The following BTBD10 variants were observed in gnomAD, a reference collection of about 807,000 sequenced individuals.
BTBD10 encodes BTB/POZ domain-containing protein 10.
A neutral mutation model predicts 53.2 loss-of-function variants in BTBD10; 21 were observed. The ratio of observed to expected loss-of-function variants is 0.39; its 90% CI spans 0.28 to 0.57. BTBD10 has a LOEUF of 0.57. Ranked by LOEUF, BTBD10 falls within the 20% of genes least tolerant of loss-of-function variation. The probability of loss-of-function intolerance (pLI) is 0.53; values close to 1 mark genes in which losing one functional copy is unlikely to be tolerated. For synonymous variants in BTBD10, 149 were observed against 192.7 expected (o/e 0.77, Z 1.88); for missense variants, 360 against 594.7 (o/e 0.61, Z 4.10).
intron 5 of BTBD10, among the ~76,000 whole-genome samples, chr11:13,416,742 C>G (rs887510357): frequency 2.0e-5 from 3 of 151,968 alleles, no homozygotes; most frequent in African/African-American, 7.3e-5. Context: ...TTTGGGAGGC[C>G]GAGGCAGGAG....
chr11:13,412,639 T>C (rs1221421021), intron 6 of BTBD10, among the ~76,000 whole-genome samples: 5 of 152,222 alleles, frequency 3.3e-5, no homozygotes, highest in Non-Finnish European at 5.9e-5. Context: ...TGTAGGATGA[T>C]ATCCTGGGCA....
At chr11:13,400,247 C>T (rs1247653377) in intron 8 of BTBD10, among the ~76,000 whole-genome samples, 8 of 152,238 alleles carry the variant, frequency 5.3e-5, no homozygotes, top group East Asian at 1.9e-4. Flanking sequence ...TGAGCAATGG[C>T]GGGTGCCCCT....
rs1321448599 is a variant in BTBD10 at position 13,389,149 on chromosome 11, A to C, written c.1118-8T>G. ...CTTTGTAGGTAGGATAACCTGAAAGAAAGAAAGATTTTAAAAACTGAGGAG... is the reference window on the plus strand; with the variant it reads ...CTTTGTAGGTAGGATAACCTGAAAGCAAGAAAGATTTTAAAAACTGAGGAG... On this transcript the variant is annotated splice_polypyrimidine_tract_variant and splice_region_variant and intron_variant, in intron 8 of 8. Transcript: ENST00000278174. 5 of 1,598,546 alleles carry C rather than the reference A, an allele frequency of 3.1e-6. No homozygotes were observed. The Admixed American group carries it at 7.0e-5, about 22-fold the overall frequency.
At chr11:13,453,716 C>A (rs534104282) in intron 1 of BTBD10, among the ~76,000 whole-genome samples, 84 of 152,270 alleles carry the variant, frequency 5.5e-4, no homozygotes, top group African/African-American at 2.0e-3. Context: ...TCCCCACAGC[C>A]TAGCACAATT....
chr11:13,405,770 C>T lies in BTBD10; in HGVS notation c.895G>A (p.Ala299Thr). 8.7e-6 allele frequency: 14 copies of T among 1,613,804 alleles called. No homozygotes were observed. The highest frequency in any genetic ancestry group is 1.2e-5 in the Non-Finnish European group (14 of 1,179,766). The part of the protein sequence containing the change: ...LEEMILPLMV[A>T]SAQSGERECH... Reference sequence around the variant, plus strand: ...TCCCGTTCCCCACTCTGGGCACTAGCTACCATGAGAGGGAGGATCATTTCT... The same window carrying T: ...TCCCGTTCCCCACTCTGGGCACTAGTTACCATGAGAGGGAGGATCATTTCT... Residue 299 changes from alanine (A) to threonine (T), a missense_variant, in exon 7 of 9, where the codon GCT becomes ACT. Ala to Thr is a moderately conservative substitution (Grantham distance 58, BLOSUM62 0). Transcript: ENST00000278174.
At chr11:13,433,658 T>C (rs1398143114) in intron 2 of BTBD10, among the ~76,000 whole-genome samples, 1 of 152,172 alleles carries the variant, frequency 6.6e-6, no homozygotes, top group Non-Finnish European at 1.5e-5. Flanking sequence ...GTAAATAAAG[T>C]ATTATTGGAA....
At chr11:13,433,139 G>A (rs865859602) in intron 2 of BTBD10, among the ~76,000 whole-genome samples, 1 of 152,194 alleles carries the variant, frequency 6.6e-6, no homozygotes, top group African/African-American at 2.4e-5. Flanking sequence ...TTAGGCCTCA[G>A]AAAACAGAAT....
At chr11:13,426,614 C>T (rs959033643) in intron 2 of BTBD10, among the ~76,000 whole-genome samples, 1 of 152,072 alleles carries the variant, frequency 6.6e-6, no homozygotes, top group African/African-American at 2.4e-5. Context: ...AAGGTTTTTA[C>T]ACCACACAAG....
intron 2 of BTBD10, among the ~76,000 whole-genome samples, chr11:13,436,232 ATTAAGGCTTAAACCTT>A (rs911499946): frequency 3.3e-5 from 5 of 152,166 alleles, no homozygotes; most frequent in African/African-American, 1.2e-4. Context: ...TTTCCTTCAC[ATTAAGGCTTAAACCTT>A]TTTACCTAAC....
intron 2 of BTBD10, among the ~76,000 whole-genome samples, chr11:13,443,515 T>C (rs1309369790): frequency 1.3e-5 from 2 of 152,152 alleles, no homozygotes; most frequent in Non-Finnish European, 1.5e-5. Flanking sequence ...GGATGAATAC[T>C]ATATAATTCA....
chr11:13,444,408 TTCAGA>T (rs1950717983), intron 2 of BTBD10, among the ~76,000 whole-genome samples: 1 of 152,124 alleles, frequency 6.6e-6, no homozygotes, highest in African/African-American at 2.4e-5. Flanking sequence ...ATCTTAAAAT[TTCAGA>T]TCAAAGTGTA....
intron 1 of BTBD10, among the ~76,000 whole-genome samples, chr11:13,460,251 G>T (rs1396302714): frequency 6.6e-6 from 1 of 152,076 alleles, no homozygotes; most frequent in Non-Finnish European, 1.5e-5. Flanking sequence ...GCCACAAAAG[G>T]CAGACCTCTT....
intron 4 of BTBD10, among the ~76,000 whole-genome samples, chr11:13,418,719 G>C (rs1434047096): frequency 6.6e-6 from 1 of 151,970 alleles, no homozygotes; most frequent in Non-Finnish European, 1.5e-5. Flanking sequence ...TAAAGTACAA[G>C]TTTTTATCTC....
chr11:13,440,391 G>T, intron 2 of BTBD10: 2 of 778,178 alleles, frequency 2.6e-6, no homozygotes, highest in Non-Finnish European at 3.1e-6. Context: ...TAGATATGTT[G>T]CCAAATGCCA....
At chr11:13,392,207 GA>G (rs1949427154) in intron 8 of BTBD10, among the ~76,000 whole-genome samples, 1 of 152,170 alleles carries the variant, frequency 6.6e-6, no homozygotes, top group African/African-American at 2.4e-5. Flanking sequence ...GAAGCGTAAA[GA>G]ATTCAGAAGA....
rs187590785 is a variant in BTBD10 at position 13,430,166 on chromosome 11, T to C, written c.102-8328A>G. On this transcript the variant is annotated intron_variant, in intron 2 of 8. Transcript: ENST00000278174. ...ACAAGCTTCAGACTGGGAGAAAATA[T>C]TTGCAAATCATGTATCTGATAGAGG... 3.3e-5 allele frequency among the ~76,000 whole-genome samples: 5 copies of C among 152,238 alleles called. No homozygotes were observed. In the East Asian group the frequency reaches 7.7e-4, roughly 23 times the overall value.
At chr11:13,417,405 A>C (rs1950140270) in intron 4 of BTBD10, 145 bp from the exon 5 acceptor site, 2 of 568,944 alleles carry the variant, frequency 3.5e-6, no homozygotes, top group Non-Finnish European at 5.9e-6. Context: ...GGCAAACATC[A>C]TAAAAGAAAG....
intron 1 of BTBD10, among the ~76,000 whole-genome samples, chr11:13,448,583 C>G (rs1381901481): frequency 6.6e-6 from 1 of 152,152 alleles, no homozygotes; most frequent in African/African-American, 2.4e-5. Context: ...TTTCCCCACA[C>G]CAAGTCTACT....
chr11:13,390,386 C>T (rs182770770), intron 8 of BTBD10, among the ~76,000 whole-genome samples: 176 of 152,036 alleles, frequency 1.2e-3, no homozygotes, highest in Admixed American at 3.3e-3. Context: ...CTCTGTCACC[C>T]AGGCTGGAAT....
Sources: gnomAD v4.1 joint callset for allele counts (sites outside exome capture counted in the v4.1 genomes callset) on GRCh38, gnomAD v4.1.1 for gene constraint, MANE v1.5 for transcripts, NCBI Gene and HGNC (gene_info 2026-07-23, HGNC 2026-07-21) for gene names.